The following PTPN14 variants were observed in gnomAD, a reference collection of about 807,000 sequenced individuals.
The protein encoded by PTPN14 is protein tyrosine phosphatase non-receptor type 14.
In PTPN14, 53 loss-of-function variants were observed where a neutral mutation model predicts 126.8. The observed-to-expected ratio is 0.42, with a 90% CI of 0.34 to 0.53. The LOEUF is 0.53. Among genes scored for constraint, PTPN14 ranks in the 20% least tolerant of loss-of-function variants. The pLI, the probability that PTPN14 is intolerant of heterozygous loss-of-function variation, is 0.08. For synonymous variants in PTPN14, 630 were observed against 599.3 expected (o/e 1.05, Z -0.75); for missense variants, 1,257 against 1,552.9 (o/e 0.81, Z 3.20).
At position 214,371,855 on chromosome 1, in the gene PTPN14, A is replaced by G. The variant is rs77564226; in HGVS notation, c.3036+856T>C. Among the ~76,000 whole-genome samples the G allele has an allele frequency of 3.0e-3, 450 of 152,328 alleles. 5 individuals are homozygous for G. The highest frequency in any genetic ancestry group is 0.01 in the African/African-American group (431 of 41,580). ...GAGAAGCAAATGCTCAACACAGTCA[A>G]TGAAGGAAAATATGACTTTTTCCTC... is the stretch of plus-strand genomic sequence containing the variant. On this transcript the variant is annotated intron_variant, in intron 16 of 18. Coordinates refer to ENST00000366956, the MANE Select transcript of PTPN14 (RefSeq NM_005401.5).
chr1:214,506,322 C>T (rs750868634), intron 1 of PTPN14, among the ~76,000 whole-genome samples: 2 of 151,946 alleles, frequency 1.3e-5, no homozygotes, highest in African/African-American at 2.4e-5. Flanking sequence ...TTGGGCAACA[C>T]AGGAGGCCCC....
rs146320778 is a variant in PTPN14 at position 214,404,274 on chromosome 1, C to T, written c.511-1321G>A. ...CACATCCTGCTAATTCTAGAGTTCA[C>T]GAGAGACTTTAGAGCAGACGGGGAA... On this transcript the variant is annotated intron_variant, in intron 5 of 18. Coordinates refer to ENST00000366956, the MANE Select transcript of PTPN14 (RefSeq NM_005401.5). Among the ~76,000 whole-genome samples the T allele has an allele frequency of 9.9e-4, 150 of 152,278 alleles. 1 individual carries two copies. Among genetic ancestry groups the T allele is most frequent in the African/African-American group, 3.4e-3 (141 of 41,562 alleles).
chr1:214,423,153 G>A (rs939556982), intron 3 of PTPN14, among the ~76,000 whole-genome samples: 4 of 151,762 alleles, frequency 2.6e-5, no homozygotes, highest in African/African-American at 7.3e-5. Flanking sequence ...AAGGGGGGAG[G>A]GAGGGGAAGG....
rs577521402 is a variant in PTPN14 at position 214,544,792 on chromosome 1, C to A, written c.-155+6391G>T. 1.6e-3 allele frequency among the ~76,000 whole-genome samples: 225 copies of A among 139,554 alleles called. 2 individuals carry two copies. The highest frequency in any genetic ancestry group is 1.8e-3 in the Non-Finnish European group (118 of 64,716). The allele number at this position is 139,554 out of a possible 152,430, so 91.6% of individuals were successfully genotyped here. ...AAAAGAAGGGAACAGAAGAAAGAGA[C>A]AGAGAGAAAAAAGAGGAGGGAAGAG... is the stretch of plus-strand genomic sequence containing the variant. On this transcript the variant is annotated intron_variant, in intron 1 of 18. Transcript: ENST00000366956.
intron 12 of PTPN14, among the ~76,000 whole-genome samples, chr1:214,386,009 A>G (rs1218729561): frequency 6.6e-6 from 1 of 152,230 alleles, no homozygotes; most frequent in African/African-American, 2.4e-5. Flanking sequence ...CGTAGAAACT[A>G]TATTATCCAT....
intron 18 of PTPN14, among the ~76,000 whole-genome samples, chr1:214,363,182 C>A (rs548660850): frequency 1.3e-5 from 2 of 152,308 alleles, no homozygotes; most frequent in African/African-American, 4.8e-5. Context: ...TTCGCTCAAG[C>A]TTTGTTTTAT....
Position 214,520,065 on chromosome 1 carries a change from A to AAT in PTPN14, c.-155+31116_-155+31117dup, listed in dbSNP as rs1553274995. 5.5e-3 allele frequency among the ~76,000 whole-genome samples: 389 copies of AAT among 71,082 alleles called. 17 individuals are homozygous for AAT. Among genetic ancestry groups the AAT allele is most frequent in the Middle Eastern group, 0.044 (4 of 90 alleles). The allele number at this position is 71,082 out of a possible 152,430, so 46.6% of individuals were successfully genotyped here. A position where few individuals can be genotyped will look rare whatever the true frequency, so the allele number is the denominator to read the frequency against. On this transcript the variant is annotated intron_variant, in intron 1 of 18. Coordinates refer to ENST00000366956, the MANE Select transcript of PTPN14 (RefSeq NM_005401.5). ...CCTGTCTCAAAAAAAAAAAAAAAAA[A>AAT]ATATATATATATATATATGCAGAAT...
intron 14 of PTPN14, among the ~76,000 whole-genome samples, chr1:214,376,945 C>T (rs932925987): frequency 6.6e-6 from 1 of 152,202 alleles, no homozygotes; most frequent in African/African-American, 2.4e-5. Context: ...ATTCTGGATA[C>T]ATACTGGCAG....
At chr1:214,535,164 T>C (rs1254169885) in intron 1 of PTPN14, among the ~76,000 whole-genome samples, 1 of 152,224 alleles carries the variant, frequency 6.6e-6, no homozygotes, top group African/African-American at 2.4e-5. Flanking sequence ...ATTATTTTTG[T>C]CAATGAAGTA....
intron 3 of PTPN14, among the ~76,000 whole-genome samples, chr1:214,428,006 G>A (rs1276269742): frequency 2.0e-5 from 3 of 152,168 alleles, no homozygotes; most frequent in Non-Finnish European, 2.9e-5. Flanking sequence ...CGCAGGGCAC[G>A]GTAAGGGTTC....
chr1:214,430,032 A>G (rs1183719927), intron 3 of PTPN14, among the ~76,000 whole-genome samples: 1 of 152,236 alleles, frequency 6.6e-6, no homozygotes, highest in Non-Finnish European at 1.5e-5. Flanking sequence ...CAACAGTAAT[A>G]GGGAAACCTT....
intron 15 of PTPN14, among the ~76,000 whole-genome samples, chr1:214,375,115 G>C (rs1339151443): frequency 1.3e-5 from 2 of 151,972 alleles, no homozygotes; most frequent in East Asian, 3.9e-4. Context: ...TATTTCTTTT[G>C]ACAGTACTTT....
chr1:214,409,959 A>T (rs1050484654), intron 5 of PTPN14, among the ~76,000 whole-genome samples: 17 of 152,142 alleles, frequency 1.1e-4, no homozygotes, highest in Middle Eastern at 3.2e-3. Context: ...TCTTTTGAGA[A>T]ATGTCTATTC....
At chr1:214,426,662 T>C (rs1200272139) in intron 3 of PTPN14, among the ~76,000 whole-genome samples, 2 of 152,308 alleles carry the variant, frequency 1.3e-5, no homozygotes, top group East Asian at 3.9e-4. Context: ...AGAGAAATTC[T>C]TCAATTCTTT....
chr1:214,395,223 T>C (rs972449927), intron 8 of PTPN14, among the ~76,000 whole-genome samples: 2 of 152,234 alleles, frequency 1.3e-5, no homozygotes, highest in African/African-American at 2.4e-5. Flanking sequence ...TAGTTTTCTT[T>C]GTGACTAGCA....
At chr1:214,486,926 C>T (rs546065469) in intron 1 of PTPN14, among the ~76,000 whole-genome samples, 1 of 152,286 alleles carries the variant, frequency 6.6e-6, no homozygotes, top group East Asian at 1.9e-4. Flanking sequence ...GACCCCGTCA[C>T]CCAGATGCAT....
chr1:214,379,854 CCAAGCCATG>C (rs1178773843), intron 13 of PTPN14, among the ~76,000 whole-genome samples: 1 of 152,246 alleles, frequency 6.6e-6, no homozygotes. Context: ...ATGTATAAAA[CCAAGCCATG>C]CCCCGACCAC....
chr1:214,456,460 G>C (rs941099592), intron 2 of PTPN14, among the ~76,000 whole-genome samples: 2 of 152,198 alleles, frequency 1.3e-5, no homozygotes, highest in Non-Finnish European at 2.9e-5. Flanking sequence ...CTGTACATCA[G>C]TTGGATAACG....
rs761537346 is a variant in PTPN14, at chr1:214,348,995, A to G, written c.*8927T>C. 8 of 152,202 alleles carry G rather than the reference A, an allele frequency of 5.3e-5. No individual in the cohort carries two copies. Among genetic ancestry groups the G allele is most frequent in the Non-Finnish European group, 1.0e-4 (7 of 68,038 alleles). 9.4% of individuals were successfully genotyped at this position (152,202 alleles called of 1,614,324 possible). On this transcript the variant is annotated 3_prime_UTR_variant, in exon 19 of 19. Coordinates refer to ENST00000366956, the MANE Select transcript of PTPN14 (RefSeq NM_005401.5). ...AAATAGCACATAGAATAGCATGCATAGTTTTATTTTAGGCTTTTCATATTA... is the reference window on the plus strand; with the variant it reads ...AAATAGCACATAGAATAGCATGCATGGTTTTATTTTAGGCTTTTCATATTA...
Sources: allele counts gnomAD v4.1 joint callset (sites outside exome capture counted in the v4.1 genomes callset), GRCh38; gene constraint gnomAD v4.1.1; transcripts MANE v1.5; gene names NCBI Gene and HGNC (gene_info 2026-07-23, HGNC 2026-07-21).